Variants in MDGA2 observed in about 807,000 individuals in gnomAD.
MDGA2 encodes MAM domain containing glycosylphosphatidylinositol anchor 2, also known as MAM domain-containing glycosylphosphatidylinositol anchor protein 2.
Under a neutral mutation model 117.8 loss-of-function variants are expected in MDGA2, and 40 were observed. That is an observed-to-expected ratio of 0.34 (90% CI 0.26 to 0.44). The LOEUF is 0.44. MDGA2 is among the 20% of genes least tolerant of loss of function. The pLI is 1.00. For synonymous variants in MDGA2, 452 were observed against 439.0 expected (o/e 1.03, Z -0.37); for missense variants, 1,123 against 1,250.6 (o/e 0.90, Z 1.54).
chr14:46,885,656 C>T (rs938672024), intron 10 of MDGA2, among the ~76,000 whole-genome samples: 4 of 152,088 alleles, frequency 2.6e-5, no homozygotes, highest in East Asian at 1.9e-4. Context: ...TTTTATCCTA[C>T]GTATAAGCTA....
chr14:47,397,242 A>C (rs547324813), intron 1 of MDGA2, among the ~76,000 whole-genome samples: 2 of 152,330 alleles, frequency 1.3e-5, no homozygotes, highest in East Asian at 3.9e-4. Context: ...AGAAAACCAA[A>C]CACCACATGT....
intron 1 of MDGA2, among the ~76,000 whole-genome samples, chr14:47,595,548 A>C (rs1425683551): frequency 6.0e-5 from 6 of 100,026 alleles, no homozygotes; most frequent in Non-Finnish European, 1.1e-4. Context: ...ACCAAAAAAC[A>C]AAAAAAAACA....
At chr14:47,657,268 G>T (rs1345131599) in intron 1 of MDGA2, among the ~76,000 whole-genome samples, 1 of 152,284 alleles carries the variant, frequency 6.6e-6, no homozygotes, top group South Asian at 2.1e-4. Flanking sequence ...CAAAGCTGGG[G>T]TGGGTTGTTA....
chr14:47,613,473 T>TCACACACA (rs2138910324), intron 1 of MDGA2, among the ~76,000 whole-genome samples: 1 of 107,824 alleles, frequency 9.3e-6, no homozygotes, highest in African/African-American at 3.6e-5. Flanking sequence ...TCTCTCTCTC[T>TCACACACA]CTCTCTCACA....
chr14:47,341,256 A>G (rs1332837841), intron 1 of MDGA2, among the ~76,000 whole-genome samples: 1 of 152,200 alleles, frequency 6.6e-6, no homozygotes, highest in East Asian at 1.9e-4. Context: ...ATTTCTTAAG[A>G]AAATGCAAGT....
chr14:47,537,573 T>TAAAAAAAAAAAAAAAAAAAAAAAAAA (rs1566504353), intron 1 of MDGA2, among the ~76,000 whole-genome samples: 2 of 57,110 alleles, frequency 3.5e-5, no homozygotes, highest in Non-Finnish European at 6.9e-5. Flanking sequence ...CTTCTCTCTG[T>TAAAAAAAAAAAAAAAAAAAAAAAAAA]TAAAAAAAAA....
chr14:46,989,918 T>A (rs1380358364), intron 8 of MDGA2, among the ~76,000 whole-genome samples: 1 of 152,122 alleles, frequency 6.6e-6, no homozygotes, highest in African/African-American at 2.4e-5. Context: ...TATCCCAGCA[T>A]TCAATTTATC....
At chr14:47,043,139 C>T (rs1889137172) in intron 7 of MDGA2, among the ~76,000 whole-genome samples, 1 of 151,962 alleles carries the variant, frequency 6.6e-6, no homozygotes, top group African/African-American at 2.4e-5. Context: ...TTTTAAAATA[C>T]AGTAATGTGT....
chr14:47,552,614 C>G (rs1396971449), intron 1 of MDGA2, among the ~76,000 whole-genome samples: 1 of 152,130 alleles, frequency 6.6e-6, no homozygotes, highest in Non-Finnish European at 1.5e-5. Context: ...CTTTTCACCC[C>G]TGAACTACAA....
intron 3 of MDGA2, among the ~76,000 whole-genome samples, chr14:47,187,504 T>G (rs2139392903): frequency 6.6e-6 from 1 of 152,172 alleles, no homozygotes; most frequent in Admixed American, 6.6e-5. Context: ...ATTAAACATA[T>G]TTTCTTCAAT....
At chr14:47,289,011 G>A (rs1024667323) in intron 2 of MDGA2, among the ~76,000 whole-genome samples, 3 of 152,002 alleles carry the variant, frequency 2.0e-5, no homozygotes, top group Admixed American at 6.6e-5. Flanking sequence ...TACCACTGAC[G>A]GCATATTCCT....
chr14:47,336,328 T>C (rs1890456075), intron 1 of MDGA2, among the ~76,000 whole-genome samples: 1 of 151,768 alleles, frequency 6.6e-6, no homozygotes, highest in Non-Finnish European at 1.5e-5. Flanking sequence ...AAGAATGGAA[T>C]GAGAGATTAG....
At chr14:47,626,608 C>A (rs1897146645) in intron 1 of MDGA2, 1 of 152,368 alleles carries the variant, frequency 6.6e-6, no homozygotes, top group Non-Finnish European at 1.5e-5. Context: ...CGGGCCAGCG[C>A]GAGTTCCGGG....
chr14:47,012,622 A>G (rs928224382), intron 8 of MDGA2, among the ~76,000 whole-genome samples: 3 of 152,194 alleles, frequency 2.0e-5, no homozygotes, highest in African/African-American at 7.2e-5. Context: ...TATAGTGTTT[A>G]GCATAAAGTG....
At chr14:46,874,306 T>C in intron 12 of MDGA2, 106 bp from the exon 13 acceptor site, 1 of 492,042 alleles carries the variant, frequency 2.0e-6, no homozygotes, top group East Asian at 3.8e-5. Flanking sequence ...TAATGCAAGA[T>C]TGTGACAATG....
intron 10 of MDGA2, among the ~76,000 whole-genome samples, chr14:46,888,594 GA>G (rs1882756343): frequency 6.6e-6 from 1 of 151,724 alleles, no homozygotes; most frequent in South Asian, 2.1e-4. Flanking sequence ...GTCTCAGGAG[GA>G]AAAAACATGT....
chr14:46,851,917 A>AC (rs1357760862), intron 15 of MDGA2, among the ~76,000 whole-genome samples: 7 of 151,584 alleles, frequency 4.6e-5, no homozygotes, highest in Admixed American at 3.3e-4. Context: ...AAAAAAAAAA[A>AC]CTTTTTATAA....
intron 9 of MDGA2, among the ~76,000 whole-genome samples, chr14:46,951,025 T>C (rs1259321629): frequency 6.6e-6 from 1 of 151,968 alleles, no homozygotes; most frequent in East Asian, 1.9e-4. Context: ...CTCAGTCATT[T>C]TTAATTTCTT....
chr14:47,533,909 C>T (rs138468454), intron 1 of MDGA2, among the ~76,000 whole-genome samples: 2 of 152,218 alleles, frequency 1.3e-5, no homozygotes, highest in South Asian at 4.1e-4. Context: ...GCAAAAAGTA[C>T]AAATATGGCA....
Sources: gnomAD v4.1 joint callset for allele counts (sites outside exome capture counted in the v4.1 genomes callset) on GRCh38, gnomAD v4.1.1 for gene constraint, MANE v1.5 for transcripts, NCBI Gene and HGNC (gene_info 2026-07-23, HGNC 2026-07-21) for gene names.